FGF14: variants seen among roughly 807,000 people sequenced by gnomAD.
FGF14 encodes the protein fibroblast growth factor homologous factor 4.
Under a neutral mutation model 25.5 loss-of-function variants are expected in FGF14, and 5 were observed. The ratio of observed to expected loss-of-function variants is 0.20; its 90% CI spans 0.10 to 0.41. The LOEUF (loss-of-function observed/expected upper bound fraction) is 0.41. Among genes scored for constraint, FGF14 ranks in the 10% least tolerant of loss-of-function variants. The probability of loss-of-function intolerance (pLI) is 1.00; values close to 1 mark genes in which losing one functional copy is unlikely to be tolerated. For synonymous variants in FGF14, 138 were observed against 118.3 expected (o/e 1.17, Z -1.08); for missense variants, 222 against 320.1 (o/e 0.69, Z 2.34).
intron 3 of FGF14, among the ~76,000 whole-genome samples, chr13:101,841,989 A>G (rs777324530): frequency 6.6e-6 from 1 of 152,022 alleles, no homozygotes; most frequent in Non-Finnish European, 1.5e-5. Flanking sequence ...TCATTTGCAT[A>G]TAATTAAATG....
intron 1 of FGF14, among the ~76,000 whole-genome samples, chr13:102,267,506 A>G (rs1396115136): frequency 6.6e-6 from 1 of 152,202 alleles, no homozygotes; most frequent in Non-Finnish European, 1.5e-5. Flanking sequence ...TGAAGGACAT[A>G]TGAAATGTAT....
intron 1 of FGF14, among the ~76,000 whole-genome samples, chr13:102,121,019 A>C (rs1399417182): frequency 6.6e-6 from 1 of 152,140 alleles, no homozygotes; most frequent in African/African-American, 2.4e-5. Context: ...GTGATCTTTA[A>C]ATTAGGGACT....
intron 1 of FGF14, among the ~76,000 whole-genome samples, chr13:102,057,595 T>C (rs868159829): frequency 1.3e-5 from 2 of 152,162 alleles, no homozygotes; most frequent in African/African-American, 4.8e-5. Flanking sequence ...ATTATAGTAT[T>C]TGAAACATAG....
At chr13:102,321,036 A>T (rs1419308653) in intron 1 of FGF14, among the ~76,000 whole-genome samples, 1 of 152,190 alleles carries the variant, frequency 6.6e-6, no homozygotes, top group African/African-American at 2.4e-5. Flanking sequence ...AGTTTTGGCC[A>T]TTCAAAAATA....
At chr13:101,731,245 T>C (rs1279682155) in intron 3 of FGF14, among the ~76,000 whole-genome samples, 1 of 152,160 alleles carries the variant, frequency 6.6e-6, no homozygotes, top group East Asian at 1.9e-4. Context: ...GCAGTGATAA[T>C]ATGAAAATGC....
intron 1 of FGF14, among the ~76,000 whole-genome samples, chr13:102,359,524 T>C (rs984479284): frequency 6.6e-6 from 1 of 152,196 alleles, no homozygotes; most frequent in Admixed American, 6.5e-5. Flanking sequence ...CATTTCTTTC[T>C]GCGTAACACC....
At chr13:102,219,063 A>G (rs183335879) in intron 1 of FGF14, among the ~76,000 whole-genome samples, 28 of 152,296 alleles carry the variant, frequency 1.8e-4, no homozygotes, top group Non-Finnish European at 3.1e-4. Flanking sequence ...TCAAGCTTTT[A>G]TCATTTCTTT....
chr13:102,161,600 A>G (rs1224086761), intron 1 of FGF14, among the ~76,000 whole-genome samples: 193 of 2,672 alleles, frequency 0.072, 3 homozygotes, highest in East Asian at 0.12. Flanking sequence ...AAGAAGAAGA[A>G]GAAGAAGAAG....
chr13:102,163,724 C>T (rs1480960141), intron 1 of FGF14, among the ~76,000 whole-genome samples: 1 of 151,848 alleles, frequency 6.6e-6, no homozygotes, highest in Non-Finnish European at 1.5e-5. Context: ...CCAAGGGAGC[C>T]TGGATTGGGA....
chr13:101,791,788 TC>T (rs2040249981), intron 3 of FGF14, among the ~76,000 whole-genome samples: 1 of 115,616 alleles, frequency 8.6e-6, no homozygotes, highest in African/African-American at 2.6e-5. Flanking sequence ...TAAAAATGTG[TC>T]TAAAAAATTT....
intron 1 of FGF14, among the ~76,000 whole-genome samples, chr13:102,129,355 G>C (rs2046088369): frequency 6.6e-6 from 1 of 152,130 alleles, no homozygotes; most frequent in African/African-American, 2.4e-5. Flanking sequence ...CTTTGAAGCA[G>C]AGCAGTTCAT....
At chr13:102,027,944 A>C (rs1337146287) in intron 1 of FGF14, among the ~76,000 whole-genome samples, 1 of 151,938 alleles carries the variant, frequency 6.6e-6, no homozygotes, top group African/African-American at 2.4e-5. Context: ...AACCAATAGA[A>C]GTTTATGTTC....
intron 1 of FGF14, among the ~76,000 whole-genome samples, chr13:102,021,014 T>C (rs2139864412): frequency 6.6e-6 from 1 of 151,922 alleles, no homozygotes; most frequent in Non-Finnish European, 1.5e-5. Context: ...ACAAGGTATT[T>C]GATTAGTGGT....
intron 1 of FGF14, among the ~76,000 whole-genome samples, chr13:102,242,734 T>G (rs2141033865): frequency 6.6e-6 from 1 of 152,214 alleles, no homozygotes; most frequent in South Asian, 2.1e-4. Context: ...AGCACATGCA[T>G]TATCTCCTCT....
At chr13:102,297,337 T>C (rs998926001) in intron 1 of FGF14, among the ~76,000 whole-genome samples, 1 of 152,122 alleles carries the variant, frequency 6.6e-6, no homozygotes, top group African/African-American at 2.4e-5. Flanking sequence ...GACAGACGAC[T>C]CAATGTAACA....
chr13:102,285,570 A>G (rs1399684728), intron 1 of FGF14, among the ~76,000 whole-genome samples: 1 of 152,186 alleles, frequency 6.6e-6, no homozygotes, highest in African/African-American at 2.4e-5. Flanking sequence ...AGTACACTAC[A>G]TTCCAACATT....
intron 1 of FGF14, among the ~76,000 whole-genome samples, chr13:102,290,428 T>C (rs2054327001): frequency 6.6e-6 from 1 of 152,148 alleles, no homozygotes; most frequent in Admixed American, 6.5e-5. Flanking sequence ...TAGGGTATGT[T>C]TTATAGCAGC....
chr13:102,115,605 T>C (rs749963989), intron 1 of FGF14, among the ~76,000 whole-genome samples: 1 of 152,138 alleles, frequency 6.6e-6, no homozygotes, highest in Non-Finnish European at 1.5e-5. Flanking sequence ...AAGTTTCCTA[T>C]GGATTCCGGA....
At chr13:101,853,429 A>G (rs2043959332) in intron 3 of FGF14, among the ~76,000 whole-genome samples, 1 of 151,992 alleles carries the variant, frequency 6.6e-6, no homozygotes, top group South Asian at 2.1e-4. Flanking sequence ...AAAATACTTC[A>G]GTGTATTATT....
Sources: allele counts gnomAD v4.1 joint callset (sites outside exome capture counted in the v4.1 genomes callset), GRCh38; gene constraint gnomAD v4.1.1; transcripts MANE v1.5; gene names NCBI Gene and HGNC (gene_info 2026-07-23, HGNC 2026-07-21).